The following MAP3K15 variants were observed in gnomAD, a reference collection of about 807,000 sequenced individuals.
The protein encoded by MAP3K15 is MAPK/ERK kinase kinase 15.
MAP3K15 carries 124 observed loss-of-function variants against 99.5 expected under a neutral mutation model. That is an observed-to-expected ratio of 1.25 (90% CI 1.08 to 1.45). MAP3K15 has a LOEUF of 1.45. Among genes scored for constraint, MAP3K15 ranks in the 40% most tolerant of loss-of-function variants. MAP3K15 has a pLI of 0.00. For synonymous variants in MAP3K15, 494 were observed against 439.6 expected, an observed-to-expected ratio of 1.12 and a Z score of -1.55; for missense variants, 1,242 against 1,079.7, an observed-to-expected ratio of 1.15 and a Z score of -2.11.
chrX:19,483,033 G>A lies in MAP3K15; in HGVS notation c.525+3449C>T, dbSNP rs927824726. Reference sequence around the variant, plus strand: ...GGAGGCCAACGCGGGCGGATCATCTGAGGCCAGGAGTTTGAGACCAGCCTG... The same window carrying A: ...GGAGGCCAACGCGGGCGGATCATCTAAGGCCAGGAGTTTGAGACCAGCCTG... On this transcript the variant is annotated intron_variant, in intron 3 of 28. Coordinates refer to ENST00000338883, the MANE Select transcript of MAP3K15 (RefSeq NM_001001671.4). Among the ~76,000 whole-genome samples the A allele has an allele frequency of 1.0e-4, 11 of 109,563 alleles. No homozygotes were observed. In the East Asian group the frequency reaches 2.9e-3, roughly 28 times the overall value.
chrX:19,362,471 T>G (rs915992047), intron 26 of MAP3K15, among the ~76,000 whole-genome samples: 2 of 110,386 alleles, frequency 1.8e-5, no homozygotes, highest in Non-Finnish European at 3.8e-5. Flanking sequence ...CTGGGTTCAA[T>G]TGATCTGCTA....
intron 1 of MAP3K15, among the ~76,000 whole-genome samples, chrX:19,507,386 G>A (rs1385791061): frequency 9.2e-6 from 1 of 108,162 alleles, no homozygotes; most frequent in Admixed American, 1.0e-4. Context: ...AGAACCTCTA[G>A]GAGGGAGACA....
chrX:19,430,442 A>C (rs1223091531), intron 7 of MAP3K15, among the ~76,000 whole-genome samples: 1 of 112,007 alleles, frequency 8.9e-6, no homozygotes, highest in Non-Finnish European at 1.9e-5. Context: ...AGCCCAGGTG[A>C]AGCCAGCAGA....
chrX:19,432,721 C>CT (rs756639640), intron 6 of MAP3K15, among the ~76,000 whole-genome samples: 1,209 of 99,582 alleles, frequency 0.012, 11 homozygotes, highest in African/African-American at 0.03. Flanking sequence ...TGCCCTTAAC[C>CT]TTTTTTTTTT....
Position 19,361,254 on chromosome X carries a change from G to A in MAP3K15, c.3857+85C>T, listed in dbSNP as rs771609750. 7.1e-5 allele frequency: 57 copies of A among 802,313 alleles called. No homozygotes were observed. In the African/African-American group the frequency reaches 1.1e-3, roughly 15 times the overall value. The allele number at this position is 802,313 out of a possible 1,213,427, so 66.1% of individuals were successfully genotyped here. ...ATAGAACTCCAGAGTTTGGGGGGAGGCCCAGCCCTTTGTTTTCTGCTCTTG... is the reference window on the plus strand; with the variant it reads ...ATAGAACTCCAGAGTTTGGGGGGAGACCCAGCCCTTTGTTTTCTGCTCTTG... On this transcript the variant is annotated intron_variant, in intron 28 of 28. Coordinates refer to ENST00000338883, the MANE Select transcript of MAP3K15 (RefSeq NM_001001671.4).
At chrX:19,368,561 G>GTCTAGGGA (rs1394319128) in intron 25 of MAP3K15, among the ~76,000 whole-genome samples, 1 of 112,776 alleles carries the variant, frequency 8.9e-6, no homozygotes, top group African/African-American at 3.2e-5. Flanking sequence ...ACTAATGCCC[G>GTCTAGGGA]TCTAGGGATC....
At chrX:19,506,378 A>G (rs2064477452) in intron 1 of MAP3K15, among the ~76,000 whole-genome samples, 1 of 110,690 alleles carries the variant, frequency 9.0e-6, no homozygotes, top group Non-Finnish European at 1.9e-5. Context: ...CAACAGCACA[A>G]ATCTTTAGCA....
intron 7 of MAP3K15, among the ~76,000 whole-genome samples, chrX:19,427,523 A>T (rs770882017): frequency 2.7e-5 from 3 of 111,621 alleles, no homozygotes; most frequent in African/African-American, 9.8e-5. Flanking sequence ...GGGATCTACT[A>T]TATCAGGATA....
At chrX:19,420,561 A>C (rs2063775792) in intron 9 of MAP3K15, among the ~76,000 whole-genome samples, 1 of 111,882 alleles carries the variant, frequency 8.9e-6, no homozygotes, top group Non-Finnish European at 1.9e-5. Context: ...AACCAAAAAA[A>C]GTCCAGGACC....
At position 19,515,039 on chromosome X, in the gene MAP3K15, C is replaced by T. The variant is rs1361659149; in HGVS notation, c.223G>A (p.Ala75Thr). Residue 75 changes from alanine (A) to threonine (T), a missense_variant, in exon 1 of 29, where the codon GCG (alanine) becomes ACG (threonine). Coordinates refer to ENST00000338883, the MANE Select transcript of MAP3K15 (RefSeq NM_001001671.4). Reference protein sequence around the residue: ...YVRSESSQGGAAGGPEAGARQ... With the variant: ...YVRSESSQGGTAGGPEAGARQ... The stretch of plus-strand genomic sequence containing the variant: ...GCCCCAGCCTCCGGGCCGCCGGCCG[C>T]GCCGCCCTGGGAGCTCTCACTGCGC... 9.6e-7 allele frequency: 1 copy of T among 1,039,282 alleles called. No individual in the cohort carries two copies. Among genetic ancestry groups the T allele is most frequent in the Non-Finnish European group, 1.3e-6 (1 of 799,859 alleles). The allele number at this position is 1,039,282 out of a possible 1,213,427, so 85.6% of individuals were successfully genotyped here.
In MAP3K15 at chrX:19,426,317, G is replaced by T; in HGVS notation, c.1193C>A (p.Ser398Ter). ...EWYRKGFELQ[S>*]SLYSGINLAV... Reference sequence around the variant, plus strand: ...AAGATTAATTCCCGAATAGAGGGATGACTGGAGTTCAAACCCTTTGCGATA... The same window carrying T: ...AAGATTAATTCCCGAATAGAGGGATTACTGGAGTTCAAACCCTTTGCGATA... The change falls in exon 8 of 29, where the codon TCA (serine) becomes TAA (stop). Residue 398 changes from serine to a stop codon, truncating the protein, a stop_gained. Coordinates refer to ENST00000338883, the MANE Select transcript of MAP3K15 (RefSeq NM_001001671.4). LOFTEE classifies it high-confidence loss of function. 1 of 1,153,848 alleles carries T rather than the reference G, an allele frequency of 8.7e-7. No individual in the cohort carries two copies. The highest frequency in any genetic ancestry group is 1.2e-6 in the Non-Finnish European group (1 of 867,066).
intron 6 of MAP3K15, among the ~76,000 whole-genome samples, chrX:19,454,536 C>G (rs896230488): frequency 9.0e-6 from 1 of 111,439 alleles, no homozygotes; most frequent in Non-Finnish European, 1.9e-5. Context: ...CTGACCGGCT[C>G]GAGCCAGCTT....
intron 9 of MAP3K15, among the ~76,000 whole-genome samples, chrX:19,421,646 C>A (rs1300044169): frequency 3.2e-5 from 3 of 94,393 alleles, no homozygotes; most frequent in Non-Finnish European, 5.8e-5. Context: ...ATCAAGCTAC[C>A]AATGACTTTC....
In MAP3K15 at chrX:19,488,932, G is replaced by C; in HGVS notation, c.397C>G (p.Gln133Glu). 8.3e-7 allele frequency: 1 copy of C among 1,198,904 alleles called. No homozygotes were observed. Among genetic ancestry groups the C allele is most frequent in the Non-Finnish European group, 1.1e-6 (1 of 894,205 alleles). The change falls in exon 2 of 29, where the codon CAG becomes GAG. Residue 133 changes from glutamine (Q) to glutamate (E), a missense_variant. Coordinates refer to ENST00000338883, the MANE Select transcript of MAP3K15 (RefSeq NM_001001671.4). Reference protein sequence around the residue: ...AVVDMSDVSRQPSLFYHLGVR... With the variant: ...AVVDMSDVSREPSLFYHLGVR... ...CCAAGATGGTAGAAGAGGGAAGGCT[G>C]TCTGGAGACATCGCTCATGTCTACC...
At chrX:19,422,231 G>A (rs2063793391) in intron 9 of MAP3K15, among the ~76,000 whole-genome samples, 1 of 110,850 alleles carries the variant, frequency 9.0e-6, no homozygotes, top group Non-Finnish European at 1.9e-5. Flanking sequence ...ACTACCATCA[G>A]AGTGAACATG....
rs1216583691 is a variant in MAP3K15 at position 19,400,594 on chromosome X, G to A, written c.1914C>T (p.Thr638=). The change falls in exon 14 of 29, where the codon ACC becomes ACT. Residue 638 remains threonine, a synonymous_variant. Coordinates refer to ENST00000338883, the MANE Select transcript of MAP3K15 (RefSeq NM_001001671.4). ...GACTCACCTCCAAGGTGTCTCCATC[G>A]GTCTCTCCCTCCAGCTCCACCGTAC... The part of the protein sequence containing the change: ...AGSTVELEGE[T]DGDTLEYEYD... The A allele has an allele frequency of 1.0e-5, 12 of 1,201,901 alleles. No individual in the cohort carries two copies. The African/African-American group carries it at 1.2e-4, about 12-fold the overall frequency.
At chrX:19,506,001 C>T (rs2064474030) in intron 1 of MAP3K15, among the ~76,000 whole-genome samples, 1 of 110,854 alleles carries the variant, frequency 9.0e-6, no homozygotes, top group African/African-American at 3.3e-5. Flanking sequence ...GGCACAATCT[C>T]GGCTCACTGC....
chrX:19,454,813 T>A (rs149906341), intron 6 of MAP3K15, among the ~76,000 whole-genome samples: 2,580 of 112,120 alleles, frequency 0.023, 57 homozygotes, highest in African/African-American at 0.078. Flanking sequence ...ATTTGCAGTA[T>A]TTCAGATTTT....
intron 6 of MAP3K15, among the ~76,000 whole-genome samples, chrX:19,456,497 A>T (rs1339436722): frequency 1.8e-5 from 2 of 112,345 alleles, no homozygotes; most frequent in African/African-American, 6.5e-5. Context: ...AAGGAGCACA[A>T]GGGAACTTCT....
Sources: gnomAD v4.1 joint callset for allele counts (sites outside exome capture counted in the v4.1 genomes callset) on GRCh38, gnomAD v4.1.1 for gene constraint, MANE v1.5 for transcripts, NCBI Gene and HGNC (gene_info 2026-07-23, HGNC 2026-07-21) for gene names.